The following UBE2E2 variants were observed in gnomAD, a reference collection of about 807,000 sequenced individuals.
The protein encoded by UBE2E2 is ubiquitin-conjugating enzyme E2 E2.
In UBE2E2, 6 loss-of-function variants were observed where a neutral mutation model predicts 24.7. The ratio of observed to expected loss-of-function variants is 0.24; its 90% CI spans 0.13 to 0.48. The LOEUF is 0.48. Among genes scored for constraint, UBE2E2 ranks in the 20% least tolerant of loss-of-function variants. The pLI, the probability that UBE2E2 is intolerant of heterozygous loss-of-function variation, is 0.99. For synonymous variants in UBE2E2, 104 were observed against 83.6 expected (o/e 1.24, Z -1.33); for missense variants, 169 against 245.0 (o/e 0.69, Z 2.07).
intron 3 of UBE2E2, among the ~76,000 whole-genome samples, chr3:23,412,507 T>C (rs1192823776): frequency 6.6e-6 from 1 of 152,172 alleles, no homozygotes; most frequent in African/African-American, 2.4e-5. Context: ...AGAGGTAGGC[T>C]GCTAGTAGAA....
In UBE2E2 at chr3:23,212,931, C is replaced by T. The variant is rs1411017734; in HGVS notation, c.176+4056C>T. ...ACTCTAGACTTCTTATTTGCAATGG[C>T]AATGTGTTTTCTAAAGATTGCTTTG... On this transcript the variant is annotated intron_variant, in intron 2 of 5. Coordinates refer to ENST00000396703, the MANE Select transcript of UBE2E2 (RefSeq NM_152653.4). Among the ~76,000 whole-genome samples the T allele has an allele frequency of 2.0e-5, 3 of 151,952 alleles. No homozygotes were observed. In the East Asian group the frequency reaches 5.8e-4, roughly 29 times the overall value.
rs548375488 is a variant in UBE2E2, at chr3:23,318,725, C to G, written c.227+101413C>G. 2.6e-5 allele frequency among the ~76,000 whole-genome samples: 4 copies of G among 152,222 alleles called. No homozygotes were observed. The South Asian group carries it at 8.3e-4, about 32-fold the overall frequency. On this transcript the variant is annotated intron_variant, in intron 3 of 5. Transcript: ENST00000396703. ...GAGAACAGTATGGGGGAAACTGCCC[C>G]CATGATTCAATTACCTCCCACCAGG...
intron 3 of UBE2E2, among the ~76,000 whole-genome samples, chr3:23,359,613 A>T (rs939905877): frequency 6.6e-6 from 1 of 152,180 alleles, no homozygotes; most frequent in Non-Finnish European, 1.5e-5. Context: ...TTAGAAACCA[A>T]CTTAAGATGC....
At chr3:23,215,124 TGA>T (rs781524802) in intron 2 of UBE2E2, among the ~76,000 whole-genome samples, 5 of 152,160 alleles carry the variant, frequency 3.3e-5, no homozygotes, top group Non-Finnish European at 5.9e-5. Context: ...CTTATTCCTA[TGA>T]ATAACATGTT....
intron 3 of UBE2E2, among the ~76,000 whole-genome samples, chr3:23,295,800 G>A (rs1698892379): frequency 6.6e-6 from 1 of 152,088 alleles, no homozygotes; most frequent in African/African-American, 2.4e-5. Flanking sequence ...CTTAAAGCTG[G>A]ATTTTCATAG....
At chr3:23,234,715 C>A (rs996672550) in intron 3 of UBE2E2, among the ~76,000 whole-genome samples, 1 of 152,086 alleles carries the variant, frequency 6.6e-6, no homozygotes, top group African/African-American at 2.4e-5. Flanking sequence ...ATAAATGTCT[C>A]TTTCTAAGTG....
intron 3 of UBE2E2, among the ~76,000 whole-genome samples, chr3:23,455,522 A>G (rs913711726): frequency 3.9e-5 from 6 of 152,090 alleles, no homozygotes; most frequent in African/African-American, 1.4e-4. Context: ...GTTCAAGACC[A>G]GCCTGGTCAA....
At chr3:23,479,169 A>T (rs1018631282) in intron 3 of UBE2E2, among the ~76,000 whole-genome samples, 1 of 152,116 alleles carries the variant, frequency 6.6e-6, no homozygotes, top group African/African-American at 2.4e-5. Context: ...TGCTTGACTC[A>T]TGCTACCAGC....
Position 23,349,452 on chromosome 3 carries a change from A to G in UBE2E2, c.227+132140A>G, listed in dbSNP as rs555503997. Among the ~76,000 whole-genome samples the G allele has an allele frequency of 2.0e-5, 3 of 152,328 alleles. No individual in the cohort carries two copies. The East Asian group carries it at 5.8e-4, about 29-fold the overall frequency. On this transcript the variant is annotated intron_variant, in intron 3 of 5. Coordinates refer to ENST00000396703, the MANE Select transcript of UBE2E2 (RefSeq NM_152653.4). ...AGACATTGCCTCACTCGGGAAGCGC[A>G]AGGGGTCAGGGAGTTCCCTTTCCCA...
chr3:23,423,555 A>G (rs1697853666), intron 3 of UBE2E2, among the ~76,000 whole-genome samples: 1 of 152,084 alleles, frequency 6.6e-6, no homozygotes, highest in Non-Finnish European at 1.5e-5. Context: ...CCTTGATAAG[A>G]ACTCTTGGTC....
At chr3:23,449,053 A>G (rs1698495908) in intron 3 of UBE2E2, among the ~76,000 whole-genome samples, 2 of 152,222 alleles carry the variant, frequency 1.3e-5, no homozygotes, top group Admixed American at 1.3e-4. Flanking sequence ...CCAAAGGTAT[A>G]CTATGGCATG....
chr3:23,571,577 C>A (rs1016936076), intron 5 of UBE2E2, among the ~76,000 whole-genome samples: 2 of 152,010 alleles, frequency 1.3e-5, no homozygotes, highest in African/African-American at 4.8e-5. Flanking sequence ...CGTGAGCCAT[C>A]ACGCCCAGCC....
intron 3 of UBE2E2, among the ~76,000 whole-genome samples, chr3:23,454,361 T>G (rs1176098452): frequency 2.0e-5 from 3 of 152,308 alleles, no homozygotes; most frequent in Admixed American, 1.3e-4. Flanking sequence ...TTTTAAAAGG[T>G]GCCACCCATG....
At chr3:23,391,858 A>G (rs564454577) in intron 3 of UBE2E2, among the ~76,000 whole-genome samples, 1 of 152,284 alleles carries the variant, frequency 6.6e-6, no homozygotes, top group Non-Finnish European at 1.5e-5. Flanking sequence ...TCAATAATAA[A>G]TAGAACGAAA....
At chr3:23,538,183 A>G (rs1289163169) in intron 5 of UBE2E2, among the ~76,000 whole-genome samples, 2 of 152,178 alleles carry the variant, frequency 1.3e-5, no homozygotes, top group Non-Finnish European at 2.9e-5. Context: ...TCTGATGCCT[A>G]TGGCTTTTTT....
chr3:23,550,703 T>G (rs1053480271), intron 5 of UBE2E2, among the ~76,000 whole-genome samples: 2 of 152,152 alleles, frequency 1.3e-5, no homozygotes, highest in African/African-American at 4.8e-5. Flanking sequence ...ACAGATGAAG[T>G]AAGCCCTACA....
chr3:23,574,044 A>G (rs918112153), intron 5 of UBE2E2, among the ~76,000 whole-genome samples: 1 of 152,220 alleles, frequency 6.6e-6, no homozygotes, highest in African/African-American at 2.4e-5. Context: ...TCAACAGTAA[A>G]AAAGAATGAG....
At chr3:23,355,034 G>T (rs890209685) in intron 3 of UBE2E2, among the ~76,000 whole-genome samples, 1 of 151,920 alleles carries the variant, frequency 6.6e-6, no homozygotes, top group Non-Finnish European at 1.5e-5. Context: ...ATACACCATG[G>T]AATACTATGC....
intron 3 of UBE2E2, among the ~76,000 whole-genome samples, chr3:23,477,843 A>G (rs1294892729): frequency 6.6e-6 from 1 of 152,182 alleles, no homozygotes; most frequent in Non-Finnish European, 1.5e-5. Flanking sequence ...TCATGGGGGC[A>G]GTTTCCCTCA....
Sources: gnomAD v4.1 joint callset for allele counts (sites outside exome capture counted in the v4.1 genomes callset) on GRCh38, gnomAD v4.1.1 for gene constraint, MANE v1.5 for transcripts, NCBI Gene and HGNC (gene_info 2026-07-23, HGNC 2026-07-21) for gene names.